The following GLI3 variants were observed in gnomAD, a reference collection of about 807,000 sequenced individuals.
The protein encoded by GLI3 is GLI family zinc finger 3, also known as transcription activator GLI3.
GLI3 carries 20 observed loss-of-function variants against 100.8 expected under a neutral mutation model. The observed-to-expected ratio is 0.20, with a 90% CI of 0.14 to 0.29. The LOEUF (loss-of-function observed/expected upper bound fraction) is 0.29. Among genes scored for constraint, GLI3 ranks in the 10% least tolerant of loss-of-function variants. The pLI is 1.00. For missense variants in GLI3, 2,040 were observed against 2,128.5 expected, an observed-to-expected ratio of 0.96 and a Z score of 0.82; for synonymous variants, 938 against 860.5, an observed-to-expected ratio of 1.09 and a Z score of -1.58.
chr7:42,150,188 C>T (rs963280886), intron 2 of GLI3: 10 of 152,116 alleles, frequency 6.6e-5, no homozygotes, highest in African/African-American at 2.2e-4. Context: ...TTTAATCTAT[C>T]AAGTAAAAAC....
At chr7:42,011,558 G>A (rs912203379) in intron 10 of GLI3, among the ~76,000 whole-genome samples, 1 of 152,148 alleles carries the variant, frequency 6.6e-6, no homozygotes, top group Non-Finnish European at 1.5e-5. Flanking sequence ...AGCCATCCAA[G>A]AGAATATTAT....
intron 2 of GLI3, among the ~76,000 whole-genome samples, chr7:42,201,087 T>C (rs1788029251): frequency 6.6e-6 from 1 of 152,190 alleles, no homozygotes; most frequent in African/African-American, 2.4e-5. Flanking sequence ...CTTATAAATA[T>C]ATACTTACGA....
At chr7:42,222,578 T>C (rs1788505999) in intron 2 of GLI3, among the ~76,000 whole-genome samples, 1 of 152,210 alleles carries the variant, frequency 6.6e-6, no homozygotes, top group Admixed American at 6.5e-5. Context: ...TGGCTCTGTG[T>C]TATCTCTGAA....
rs532345959 is a variant in GLI3, at chr7:42,078,831, G to A, written c.368-1974C>T. ...TGTGAGCTCCACCTCCCGGGTTCACGCCATTCTCCTGCCTCAGCCTCCCAA... is the reference window on the plus strand; with the variant it reads ...TGTGAGCTCCACCTCCCGGGTTCACACCATTCTCCTGCCTCAGCCTCCCAA... On this transcript the variant is annotated intron_variant, in intron 3 of 14. Coordinates refer to ENST00000395925, the MANE Select transcript of GLI3 (RefSeq NM_000168.6). 2.3e-3 allele frequency among the ~76,000 whole-genome samples: 329 copies of A among 145,634 alleles called. 2 individuals carry two copies. Among genetic ancestry groups the A allele is most frequent in the African/African-American group, 7.1e-3 (283 of 39,726 alleles).
intron 7 of GLI3, among the ~76,000 whole-genome samples, chr7:42,027,784 AT>A (rs1282540642): frequency 6.6e-6 from 1 of 152,164 alleles, no homozygotes; most frequent in African/African-American, 2.4e-5. Flanking sequence ...TTCATTCTAC[AT>A]TGTATTTCCT....
chr7:42,000,325 A>G (rs933728697), intron 10 of GLI3, among the ~76,000 whole-genome samples: 1 of 152,238 alleles, frequency 6.6e-6, no homozygotes, highest in African/African-American at 2.4e-5. Context: ...AAGTACATGA[A>G]TGCATTCTAA....
intron 1 of GLI3, among the ~76,000 whole-genome samples, chr7:42,224,795 T>C: frequency 6.6e-6 from 1 of 152,232 alleles, no homozygotes; most frequent in East Asian, 1.9e-4. Flanking sequence ...TGGCGCCCCC[T>C]GGGGCTAGCT....
At chr7:42,052,291 T>C (rs1784368152) in intron 4 of GLI3, among the ~76,000 whole-genome samples, 1 of 152,200 alleles carries the variant, frequency 6.6e-6, no homozygotes, top group Admixed American at 6.5e-5. Context: ...AGGTTTTTTG[T>C]GTGGAAGAAT....
intron 7 of GLI3, among the ~76,000 whole-genome samples, chr7:42,033,814 G>A (rs1202765682): frequency 1.3e-5 from 2 of 152,136 alleles, no homozygotes; most frequent in Middle Eastern, 3.4e-3. Flanking sequence ...CTATTTGAGA[G>A]GGAAAAAAAT....
intron 4 of GLI3, among the ~76,000 whole-genome samples, chr7:42,058,165 T>A (rs1359332752): frequency 6.6e-6 from 1 of 152,154 alleles, no homozygotes; most frequent in African/African-American, 2.4e-5. Context: ...AAGAATATAA[T>A]GTATGATCCC....
At chr7:42,036,763 G>A (rs1789451473) in intron 7 of GLI3, among the ~76,000 whole-genome samples, 1 of 152,164 alleles carries the variant, frequency 6.6e-6, no homozygotes, top group South Asian at 2.1e-4. Flanking sequence ...TTAACAAGCA[G>A]GAAACTGGAG....
intron 1 of GLI3, among the ~76,000 whole-genome samples, chr7:42,253,569 A>G (rs1562801602): frequency 6.6e-6 from 1 of 152,224 alleles, no homozygotes; most frequent in East Asian, 1.9e-4. Flanking sequence ...CTTCTGAATT[A>G]AATAGTTCTT....
At position 42,048,603 on chromosome 7, in the gene GLI3, G is replaced by A. The variant is rs371984494; in HGVS notation, c.567C>T (p.Pro189=). The change falls in exon 5 of 15, where the codon CCC becomes CCT. Residue 189 remains proline (P), a synonymous_variant. Transcript: ENST00000395925. ...TAATGTAGGGATGTGGAGGGCTGAAGGGAGACTCGGAAGCAGCAGTGGGGT... is the reference window on the plus strand; with the variant it reads ...TAATGTAGGGATGTGGAGGGCTGAAAGGAGACTCGGAAGCAGCAGTGGGGT... ...HRNPTAASES[P]FSPPHPYINP... 2.2e-4 allele frequency: 347 copies of A among 1,611,554 alleles called. No homozygotes were observed. The highest frequency in any genetic ancestry group is 2.2e-4 in the Non-Finnish European group (261 of 1,179,052).
chr7:42,253,791 C>T (rs528532822), intron 1 of GLI3, among the ~76,000 whole-genome samples: 1 of 152,282 alleles, frequency 6.6e-6, no homozygotes, highest in East Asian at 1.9e-4. Context: ...ATGATTGTTA[C>T]GCTAAGATCC....
chr7:42,095,371 C>T (rs887962653), intron 3 of GLI3, among the ~76,000 whole-genome samples: 1 of 152,062 alleles, frequency 6.6e-6, no homozygotes, highest in African/African-American at 2.4e-5. Context: ...CAAGAGAGCA[C>T]GGAAGGCTCA....
intron 6 of GLI3, among the ~76,000 whole-genome samples, chr7:42,044,964 T>C (rs946787649): frequency 2.6e-5 from 4 of 152,250 alleles, no homozygotes; most frequent in Admixed American, 6.5e-5. Flanking sequence ...CAAGACTCAC[T>C]GCAACACCGA....
intron 2 of GLI3, among the ~76,000 whole-genome samples, chr7:42,158,394 T>C (rs1299773137): frequency 1.3e-5 from 2 of 152,348 alleles, no homozygotes; most frequent in African/African-American, 2.4e-5. Context: ...CTTTCCTTTG[T>C]ATTATAAATT....
At chr7:42,027,963 T>C (rs1002931386) in intron 7 of GLI3, among the ~76,000 whole-genome samples, 3 of 152,192 alleles carry the variant, frequency 2.0e-5, no homozygotes, top group Admixed American at 1.3e-4. Flanking sequence ...GTGTGGATGA[T>C]TGATAGGGCA....
intron 7 of GLI3, among the ~76,000 whole-genome samples, chr7:42,038,367 C>T (rs1231966313): frequency 5.9e-5 from 9 of 151,612 alleles, no homozygotes; most frequent in Admixed American, 6.6e-5. Flanking sequence ...GAATCTCATC[C>T]TGCCATTGCA....
Sources: gnomAD v4.1 joint callset for allele counts (sites outside exome capture counted in the v4.1 genomes callset) on GRCh38, gnomAD v4.1.1 for gene constraint, MANE v1.5 for transcripts, NCBI Gene and HGNC (gene_info 2026-07-23, HGNC 2026-07-21) for gene names.